Variants in ZNF667 observed in about 807,000 individuals in gnomAD.
The protein encoded by ZNF667 is zinc finger protein 667, also known as myocardial ischemic preconditioning upregulated 1 ortholog.
In ZNF667, 13 loss-of-function variants were observed where a neutral mutation model predicts 31.8. The ratio of observed to expected loss-of-function variants is 0.41; its 90% CI spans 0.27 to 0.65. The LOEUF (loss-of-function observed/expected upper bound fraction) is 0.65, where lower values mean the gene tolerates loss of function less well. Ranked by LOEUF, ZNF667 falls within the 30% of genes least tolerant of loss-of-function variation. ZNF667 has a pLI of 0.32. For synonymous variants in ZNF667, 228 were observed against 247.1 expected (o/e 0.92, Z 0.73); for missense variants, 642 against 725.6 (o/e 0.88, Z 1.32).
chr19:56,474,409 A>C (rs1384669563), intron 1 of ZNF667: 1 of 152,242 alleles, frequency 6.6e-6, no homozygotes, highest in African/African-American at 2.4e-5. Flanking sequence ...GGCCAGGGAC[A>C]TACGTAGGCA....
At chr19:56,454,469 G>A (rs1473131106) in intron 6 of ZNF667, among the ~76,000 whole-genome samples, 1 of 151,798 alleles carries the variant, frequency 6.6e-6, no homozygotes. Context: ...TTGGTACTGA[G>A]ATAAAAACAG....
At chr19:56,452,775 C>T (rs928284571) in intron 6 of ZNF667, among the ~76,000 whole-genome samples, 1 of 151,944 alleles carries the variant, frequency 6.6e-6, no homozygotes, top group South Asian at 2.1e-4. Flanking sequence ...CAAAAATTAG[C>T]CAGGCGTGGT....
At chr19:56,444,262 T>C (rs1568836311) in intron 6 of ZNF667, 2 of 398,390 alleles carry the variant, frequency 5.0e-6, no homozygotes, top group Non-Finnish European at 8.9e-6. Context: ...CCTTGGCTTC[T>C]GGGGAGGCCT....
chr19:56,459,254 G>A (rs2042994847), intron 5 of ZNF667, among the ~76,000 whole-genome samples: 2 of 152,314 alleles, frequency 1.3e-5, no homozygotes, highest in Middle Eastern at 3.4e-3. Context: ...ATTTTCCTGA[G>A]AATTGAGTCA....
rs1449087927 is a variant in ZNF667, at chr19:56,440,947, GATCTTCATTCACA to G, written c.*202_*214del. The G allele has an allele frequency of 7.2e-7, 1 of 1,384,338 alleles. No homozygotes were observed. Among genetic ancestry groups the G allele is most frequent in the Non-Finnish European group, 9.3e-7 (1 of 1,072,776 alleles). 85.8% of individuals were successfully genotyped at this position (1,384,338 alleles called of 1,614,324 possible). The stretch of plus-strand genomic sequence containing the variant: ...CAGTAATTCTTATCAAATGAAAAAT[GATCTTCATTCACA>G]ATGACTGACCAAACTTCTGAGTTTC... On this transcript the variant is annotated 3_prime_UTR_variant, in exon 7 of 7. Transcript: ENST00000504904.
At chr19:56,476,455 T>A (rs1470220695) in intron 1 of ZNF667, among the ~76,000 whole-genome samples, 1 of 152,034 alleles carries the variant, frequency 6.6e-6, no homozygotes, top group South Asian at 2.1e-4. Context: ...TCTGCCTCTG[T>A]ATAGGGTCAA....
At chr19:56,447,841 A>G (rs2042737334) in intron 6 of ZNF667, among the ~76,000 whole-genome samples, 1 of 152,152 alleles carries the variant, frequency 6.6e-6, no homozygotes, top group Non-Finnish European at 1.5e-5. Flanking sequence ...AGATGGTGCC[A>G]CTGCACTCCA....
In ZNF667 at chr19:56,442,036, T is replaced by C; in HGVS notation, c.959A>G (p.Gln320Arg). 1.2e-6 allele frequency: 2 copies of C among 1,614,188 alleles called. No homozygotes were observed. Among genetic ancestry groups the C allele is most frequent in the Non-Finnish European group, 8.5e-7 (1 of 1,180,038 alleles). Residue 320 changes from glutamine to arginine, a missense_variant, in exon 7 of 7, where the codon CAG becomes CGG. Physicochemically the swap from Gln to Arg is conservative, Grantham distance 43. Coordinates refer to ENST00000504904, the MANE Select transcript of ZNF667 (RefSeq NM_001321356.2). ...ATTCTCTAAATGGTGACTTCTTTGC[T>C]GTAGACTCTGACTTAAGGCCTTCGC... ...ENAKALSQSL[Q>R]QRSHHLENPF...
intron 3 of ZNF667, among the ~76,000 whole-genome samples, chr19:56,470,662 A>G (rs998466759): frequency 1.3e-5 from 2 of 152,038 alleles, no homozygotes; most frequent in Non-Finnish European, 2.9e-5. Flanking sequence ...ACATCCCCAT[A>G]TGTATGTTTC....
At chr19:56,476,695 C>T (rs368855178) in intron 1 of ZNF667, among the ~76,000 whole-genome samples, 1 of 152,192 alleles carries the variant, frequency 6.6e-6, no homozygotes, top group African/African-American at 2.4e-5. Context: ...GAATTCTTCC[C>T]CTGTGGGCCT....
At chr19:56,442,807 A>T (rs2042643879) in intron 6 of ZNF667, 66 bp from the exon 7 acceptor site, 1 of 1,464,984 alleles carries the variant, frequency 6.8e-7, no homozygotes, top group African/African-American at 1.4e-5. Context: ...ATTCTACAAT[A>T]TAAATGTAAT....
At chr19:56,456,269 T>G (rs2042929840) in intron 6 of ZNF667, among the ~76,000 whole-genome samples, 1 of 152,236 alleles carries the variant, frequency 6.6e-6, no homozygotes, top group African/African-American at 2.4e-5. Context: ...TTCTCCTTTT[T>G]AAGTTGTAGT....
At chr19:56,444,397 C>T in intron 6 of ZNF667, 1 of 394,854 alleles carries the variant, frequency 2.5e-6, no homozygotes, top group Non-Finnish European at 4.5e-6. Context: ...GAATCACTCC[C>T]TATTGCTAAG....
intron 6 of ZNF667, among the ~76,000 whole-genome samples, chr19:56,449,935 A>T (rs1320551618): frequency 1.3e-5 from 2 of 151,644 alleles, no homozygotes; most frequent in Non-Finnish European, 2.9e-5. Context: ...ATATAGTCAG[A>T]GGAGTCAAAG....
intron 6 of ZNF667, among the ~76,000 whole-genome samples, chr19:56,455,929 A>C (rs935064357): frequency 8.5e-5 from 13 of 152,282 alleles, no homozygotes; most frequent in Non-Finnish European, 1.6e-4. Flanking sequence ...AAAGAGAAAA[A>C]AATTTAAAAA....
rs1379258296 is a variant in ZNF667 at position 56,442,087 on chromosome 19, T to C, written c.908A>G (p.His303Arg). The C allele has an allele frequency of 3.7e-6, 6 of 1,614,178 alleles. No individual in the cohort carries two copies. Among genetic ancestry groups the C allele is most frequent in the Non-Finnish European group, 5.1e-6 (6 of 1,180,024 alleles). The change falls in exon 7 of 7, where the codon CAT becomes CGT. Residue 303 changes from histidine (H) to arginine (R), a missense_variant. His to Arg is a conservative substitution (Grantham distance 29, BLOSUM62 0). Coordinates refer to ENST00000504904, the MANE Select transcript of ZNF667 (RefSeq NM_001321356.2). ...KSVFVVHKRI[H>R]AGEKIPENAK... Reference sequence around the variant, plus strand: ...ATTTTCAGGGATTTTCTCTCCAGCATGAATTCTTTTATGTACAACAAAGAC... The same window carrying C: ...ATTTTCAGGGATTTTCTCTCCAGCACGAATTCTTTTATGTACAACAAAGAC...
Position 56,441,187 on chromosome 19 carries a change from T to C in ZNF667, c.1808A>G (p.Asn603Ser), listed in dbSNP as rs747694182. The part of the protein sequence containing the change: ...SRSSSLIRHQ[N>S]THSEEKA ...TTAGGCTTTTTCTTCAGAATGTGTA[T>C]TCTGATGTCGAATCAGGGATGAACT... Residue 603 changes from asparagine to serine, a missense_variant, in exon 7 of 7, where the codon AAT (asparagine) becomes AGT (serine). Coordinates refer to ENST00000504904, the MANE Select transcript of ZNF667 (RefSeq NM_001321356.2). The surrounding 1 kb of genome is among the most constrained non-coding windows in gnomAD (Gnocchi z 4.2). 8.1e-6 allele frequency: 13 copies of C among 1,611,780 alleles called. No individual in the cohort carries two copies. The highest frequency in any genetic ancestry group is 1.0e-5 in the Non-Finnish European group (12 of 1,178,124).
At chr19:56,466,285 T>G in intron 3 of ZNF667, among the ~76,000 whole-genome samples, 1 of 152,208 alleles carries the variant, frequency 6.6e-6, no homozygotes, top group African/African-American at 2.4e-5. Flanking sequence ...TCGAGAATGC[T>G]GGAACCTGGG....
intron 5 of ZNF667, among the ~76,000 whole-genome samples, chr19:56,459,259 G>A (rs1406204131): frequency 6.6e-6 from 1 of 152,164 alleles, no homozygotes; most frequent in Non-Finnish European, 1.5e-5. Context: ...CCTGAGAATT[G>A]AGTCAGAAAC....
Sources: allele counts gnomAD v4.1 joint callset (sites outside exome capture counted in the v4.1 genomes callset), GRCh38; gene constraint gnomAD v4.1.1; non-coding constraint Gnocchi (gnomAD v3.1); transcripts MANE v1.5; gene names NCBI Gene and HGNC (gene_info 2026-07-23, HGNC 2026-07-21).